Variants in MACROD1 observed in about 807,000 individuals in gnomAD.
MACROD1 encodes the protein ADP-ribose glycohydrolase MACROD1.
A neutral mutation model predicts 41.4 loss-of-function variants in MACROD1; 31 were observed. The ratio of observed to expected loss-of-function variants is 0.75; its 90% CI spans 0.56 to 1.01. The LOEUF is 1.01. Among genes scored for constraint, MACROD1 ranks in the 50% least tolerant of loss-of-function variants. MACROD1 has a pLI of 0.00. For missense variants in MACROD1, 473 were observed against 460.0 expected, an observed-to-expected ratio of 1.03 and a Z score of -0.26; for synonymous variants, 252 against 203.4, an observed-to-expected ratio of 1.24 and a Z score of -2.03.
At chr11:64,095,992 C>A (rs1944570410) in intron 3 of MACROD1, among the ~76,000 whole-genome samples, 1 of 152,222 alleles carries the variant, frequency 6.6e-6, no homozygotes, top group South Asian at 2.1e-4. Flanking sequence ...CCCAGGGGCC[C>A]ATGAGCCTGC....
chr11:64,055,181 A>C (rs1242429174), intron 3 of MACROD1, among the ~76,000 whole-genome samples: 1 of 152,206 alleles, frequency 6.6e-6, no homozygotes, highest in Non-Finnish European at 1.5e-5. Context: ...AGGGCCTGGC[A>C]TGGAGCCCAG....
At chr11:64,135,971 G>A (rs1032027034) in intron 3 of MACROD1, among the ~76,000 whole-genome samples, 2 of 152,226 alleles carry the variant, frequency 1.3e-5, no homozygotes, top group East Asian at 1.9e-4. Context: ...TGCAGCCAGC[G>A]CAGGGGATGG....
At chr11:64,107,001 A>G (rs1182611880) in intron 3 of MACROD1, among the ~76,000 whole-genome samples, 1 of 152,142 alleles carries the variant, frequency 6.6e-6, no homozygotes, top group Non-Finnish European at 1.5e-5. Flanking sequence ...CTCCTGCCTC[A>G]GCCTCCCAAG....
intron 3 of MACROD1, among the ~76,000 whole-genome samples, chr11:64,139,817 G>A (rs547154131): frequency 4.1e-4 from 62 of 152,190 alleles, no homozygotes; most frequent in Non-Finnish European, 7.5e-4. Flanking sequence ...TTAGCCGGGC[G>A]TGGTGGCGGG....
At chr11:64,149,189 GT>G (rs1185472967) in intron 3 of MACROD1, among the ~76,000 whole-genome samples, 1 of 152,160 alleles carries the variant, frequency 6.6e-6, no homozygotes, top group Non-Finnish European at 1.5e-5. Context: ...GATGACACCA[GT>G]TTCAGCACCA....
intron 3 of MACROD1, among the ~76,000 whole-genome samples, chr11:64,138,172 C>G (rs1016726748): frequency 6.6e-6 from 1 of 152,198 alleles, no homozygotes; most frequent in Non-Finnish European, 1.5e-5. Context: ...TTGAACCCAG[C>G]CCTGTCCCAT....
In MACROD1 at chr11:64,090,211, CAG is replaced by C. The variant is rs1048301624; in HGVS notation, c.517+61026_517+61027del. ...CGAACAGCCTGAGTCCACAGGGTGA[CAG>C]GGTGTGGGAAAGGCCAACGGGCGTG... On this transcript the variant is annotated intron_variant, in intron 3 of 10. Transcript: ENST00000255681. The surrounding 1 kb of genome is among the most constrained non-coding windows in gnomAD (Gnocchi z 4.7). Among the ~76,000 whole-genome samples the C allele has an allele frequency of 1.3e-5, 2 of 152,166 alleles. No homozygotes were observed. Among genetic ancestry groups the C allele is most frequent in the Non-Finnish European group, 2.9e-5 (2 of 68,018 alleles).
chr11:64,112,721 G>T (rs1944884599), intron 3 of MACROD1, among the ~76,000 whole-genome samples: 1 of 152,154 alleles, frequency 6.6e-6, no homozygotes, highest in South Asian at 2.1e-4. Context: ...CACTTGCAAG[G>T]GCCCTGGGGA....
At chr11:64,052,009 G>A (rs1421044008) in intron 3 of MACROD1, among the ~76,000 whole-genome samples, 3 of 151,786 alleles carry the variant, frequency 2.0e-5, no homozygotes, top group Non-Finnish European at 2.9e-5. Flanking sequence ...GGCGAGAGCT[G>A]GGGGCTTGCT....
At chr11:64,039,002 T>C (rs1212153359) in intron 3 of MACROD1, among the ~76,000 whole-genome samples, 2 of 152,148 alleles carry the variant, frequency 1.3e-5, no homozygotes, top group African/African-American at 4.8e-5. Context: ...CCTTGCCTAG[T>C]CTACACCCCT....
chr11:64,065,743 T>C (rs1333810992), intron 3 of MACROD1, among the ~76,000 whole-genome samples: 1 of 135,360 alleles, frequency 7.4e-6, no homozygotes, highest in Admixed American at 8.7e-5. Flanking sequence ...TGAGCTGAGA[T>C]GGCGCCACTG....
intron 3 of MACROD1, among the ~76,000 whole-genome samples, chr11:64,091,226 A>G (rs4980521): frequency 0.97 from 147,292 of 152,058 alleles, 71,493 homozygotes; most frequent in Middle Eastern, 1. Flanking sequence ...CCTCCGCTGC[A>G]GGGTCTGCAG....
At chr11:64,027,154 G>C (rs1349849800) in intron 3 of MACROD1, among the ~76,000 whole-genome samples, 1 of 152,250 alleles carries the variant, frequency 6.6e-6, no homozygotes, top group Non-Finnish European at 1.5e-5. Flanking sequence ...ATGTCACAGA[G>C]GGTTAGCAGT....
At position 64,082,332 on chromosome 11, in the gene MACROD1, G is replaced by C. The variant is rs936961955; in HGVS notation, c.518-67051C>G. On this transcript the variant is annotated intron_variant, in intron 3 of 10. Transcript: ENST00000255681. This position sits in a 1 kb window ranked among gnomAD's most constrained non-coding sequence, Gnocchi z 4.5. ...AGAGACGCTGGGTGGAGGATGATCC[G>C]GGGGGACCGTGGAAGGCAGGACGGG... 6.6e-6 allele frequency among the ~76,000 whole-genome samples: 1 copy of C among 152,038 alleles called. No individual in the cohort carries two copies. Among genetic ancestry groups the C allele is most frequent in the Admixed American group, 6.5e-5 (1 of 15,270 alleles).
intron 3 of MACROD1, among the ~76,000 whole-genome samples, chr11:64,045,118 T>C (rs1331700800): frequency 6.6e-6 from 1 of 152,074 alleles, no homozygotes; most frequent in Non-Finnish European, 1.5e-5. Context: ...GGGTGGCATG[T>C]GCTTCTGCCT....
intron 3 of MACROD1, among the ~76,000 whole-genome samples, chr11:64,102,826 T>C (rs1209824323): frequency 1.3e-5 from 2 of 151,918 alleles, no homozygotes; most frequent in East Asian, 1.9e-4. Context: ...TCCCATCACT[T>C]TGGGAGGCCG....
intron 3 of MACROD1, among the ~76,000 whole-genome samples, chr11:64,071,087 G>C (rs1944100485): frequency 2.6e-5 from 4 of 152,088 alleles, no homozygotes; most frequent in Admixed American, 2.6e-4. Flanking sequence ...GTCTCTGTTG[G>C]GACCTCCACC....
Position 64,067,756 on chromosome 11 carries a change from C to G in MACROD1, c.518-52475G>C, listed in dbSNP as rs2134453940. ...CAGGCTGCCACCCCCAGCTTGTGAA[C>G]TGGGGGTGGCCCCAGAGCTGTTTGT... On this transcript the variant is annotated intron_variant, in intron 3 of 10. Coordinates refer to ENST00000255681, the MANE Select transcript of MACROD1 (RefSeq NM_014067.4). This position sits in a 1 kb window ranked among gnomAD's most constrained non-coding sequence, Gnocchi z 4.6. Among the ~76,000 whole-genome samples the G allele has an allele frequency of 6.6e-6, 1 of 152,316 alleles. No homozygotes were observed.
chr11:64,000,195 G>A, intron 5 of MACROD1, 32 bp downstream of exon 5: 2 of 1,569,620 alleles, frequency 1.3e-6, no homozygotes, highest in Non-Finnish European at 8.7e-7. Context: ...CCCTGTCTGC[G>A]CCCCACAGCT....
Sources: gnomAD v4.1 joint callset for allele counts (sites outside exome capture counted in the v4.1 genomes callset) on GRCh38, gnomAD v4.1.1 for gene constraint, Gnocchi (gnomAD v3.1) non-coding constraint, MANE v1.5 for transcripts, NCBI Gene and HGNC (gene_info 2026-07-23, HGNC 2026-07-21) for gene names.